PTPRG: variants seen among roughly 807,000 people sequenced by gnomAD.
PTPRG encodes protein tyrosine phosphatase receptor type G, also known as receptor-type tyrosine-protein phosphatase gamma.
PTPRG carries 102 observed loss-of-function variants against 165.3 expected under a neutral mutation model. That is an observed-to-expected ratio of 0.62 (90% CI 0.53 to 0.73). PTPRG has a LOEUF of 0.73. PTPRG is among the 30% of genes least tolerant of loss of function. The pLI is 0.00. For missense variants in PTPRG, 1,866 were observed against 1,861.4 expected, an observed-to-expected ratio of 1.00 and a Z score of -0.05; for synonymous variants, 675 against 669.5, an observed-to-expected ratio of 1.01 and a Z score of -0.13.
intron 9 of PTPRG, among the ~76,000 whole-genome samples, chr3:62,193,825 A>G (rs1410988110): frequency 6.6e-6 from 1 of 152,218 alleles, no homozygotes; most frequent in East Asian, 1.9e-4. Context: ...GGCTAAGCTC[A>G]CAGAGCTGCT....
intron 2 of PTPRG, among the ~76,000 whole-genome samples, chr3:61,906,313 G>A (rs1023237664): frequency 4.0e-5 from 6 of 151,706 alleles, no homozygotes; most frequent in African/African-American, 7.3e-5. Context: ...AAAATTAGCC[G>A]GGTGTGATGG....
At chr3:61,971,779 C>T (rs1191022010) in intron 2 of PTPRG, among the ~76,000 whole-genome samples, 6 of 152,154 alleles carry the variant, frequency 3.9e-5, no homozygotes, top group Admixed American at 6.5e-5. Flanking sequence ...TTGAATTGTA[C>T]AATTAAACTG....
intron 2 of PTPRG, among the ~76,000 whole-genome samples, chr3:61,781,993 C>T (rs145080623): frequency 4.0e-5 from 6 of 151,780 alleles, no homozygotes; most frequent in East Asian, 3.9e-4. Context: ...AACCTCCCAC[C>T]GATCTTTTGT....
At chr3:62,250,094 C>A (rs1701377289) in intron 15 of PTPRG, among the ~76,000 whole-genome samples, 1 of 152,088 alleles carries the variant, frequency 6.6e-6, no homozygotes, top group African/African-American at 2.4e-5. Context: ...CTTGTGTTAT[C>A]TTGTTTACTT....
intron 2 of PTPRG, among the ~76,000 whole-genome samples, chr3:61,805,960 T>C (rs1373666767): frequency 6.6e-6 from 1 of 152,184 alleles, no homozygotes; most frequent in African/African-American, 2.4e-5. Context: ...AAGCTCTCGA[T>C]CATATTCTCT....
At chr3:62,137,403 G>A (rs1703750031) in intron 6 of PTPRG, among the ~76,000 whole-genome samples, 1 of 152,136 alleles carries the variant, frequency 6.6e-6, no homozygotes, top group African/African-American at 2.4e-5. Context: ...GAGGCAAGAG[G>A]TCAGGTGAAT....
intron 2 of PTPRG, among the ~76,000 whole-genome samples, chr3:61,772,014 G>A (rs2034221042): frequency 7.3e-6 from 1 of 137,072 alleles, no homozygotes; most frequent in Admixed American, 8.2e-5. Flanking sequence ...GAGCCGAGAC[G>A]ATGCCTCTGC....
chr3:61,690,365 T>C (rs958555869), intron 1 of PTPRG, among the ~76,000 whole-genome samples: 5 of 152,208 alleles, frequency 3.3e-5, no homozygotes, highest in African/African-American at 9.6e-5. Context: ...GTGGCTCACT[T>C]GCTGCTTTTC....
chr3:61,859,615 T>C (rs2037204684), intron 2 of PTPRG, among the ~76,000 whole-genome samples: 1 of 151,798 alleles, frequency 6.6e-6, no homozygotes, highest in South Asian at 2.1e-4. Flanking sequence ...TCCATAGTTT[T>C]TTTTTTTTTG....
intron 2 of PTPRG, among the ~76,000 whole-genome samples, chr3:61,885,675 T>C (rs7428242): frequency 0.029 from 80 of 2,718 alleles, no homozygotes; most frequent in Non-Finnish European, 0.053. Flanking sequence ...TCCTCTCCTC[T>C]CCTCTCCTCT....
chr3:62,050,502 T>G (rs1356460471), intron 4 of PTPRG, among the ~76,000 whole-genome samples: 2 of 152,230 alleles, frequency 1.3e-5, no homozygotes, highest in East Asian at 3.8e-4. Context: ...AACATATCCC[T>G]GTTGTTAAGT....
intron 1 of PTPRG, among the ~76,000 whole-genome samples, chr3:61,638,591 G>GTTTTTTTTTTTTTTTTTTTT (rs34396141): frequency 1.7e-5 from 1 of 58,704 alleles, no homozygotes; most frequent in African/African-American, 6.5e-5. Context: ...TGCCTGGCTA[G>GTTTTTTTTTTTTTTTTTTTT]TTTTTTTTTT....
At chr3:61,968,121 G>T (rs980620634) in intron 2 of PTPRG, among the ~76,000 whole-genome samples, 13 of 152,106 alleles carry the variant, frequency 8.5e-5, no homozygotes, top group Non-Finnish European at 1.8e-4. Flanking sequence ...TAAGCTAAAT[G>T]GATGATGTCA....
intron 6 of PTPRG, among the ~76,000 whole-genome samples, chr3:62,139,413 C>T (rs776473178): frequency 2.0e-5 from 3 of 152,028 alleles, no homozygotes; most frequent in Non-Finnish European, 4.4e-5. Context: ...GAACTGAGAT[C>T]GCCCCACTGC....
At chr3:61,734,799 C>G (rs77968518) in intron 1 of PTPRG, among the ~76,000 whole-genome samples, 6,418 of 152,232 alleles carry the variant, frequency 0.042, 187 homozygotes, top group Non-Finnish European at 0.067. Flanking sequence ...GATTTATATT[C>G]AGAGTTGAAA....
chr3:61,990,303 G>A (rs1467124393), intron 3 of PTPRG, among the ~76,000 whole-genome samples: 1 of 152,124 alleles, frequency 6.6e-6, no homozygotes, highest in African/African-American at 2.4e-5. Context: ...GTTCTATCAG[G>A]TAACATTGTG....
chr3:61,914,161 A>T (rs759404931), intron 2 of PTPRG, among the ~76,000 whole-genome samples: 1 of 152,204 alleles, frequency 6.6e-6, no homozygotes, highest in Admixed American at 6.5e-5. Context: ...TTAGGTCAAC[A>T]TTAAAGATTC....
At chr3:61,683,888 C>T (rs1559556123) in intron 1 of PTPRG, among the ~76,000 whole-genome samples, 1 of 152,162 alleles carries the variant, frequency 6.6e-6, no homozygotes, top group Non-Finnish European at 1.5e-5. Flanking sequence ...CCTGTATGCA[C>T]AAAGTAGAAA....
At position 62,210,865 on chromosome 3, in the gene PTPRG, C is replaced by CTT. The variant is rs370985755; in HGVS notation, c.2155+6916_2155+6917insTT. 2.5e-3 allele frequency among the ~76,000 whole-genome samples: 386 copies of CTT among 152,122 alleles called. 2 individuals are homozygous for CTT. The highest frequency in any genetic ancestry group is 9.0e-3 in the African/African-American group (374 of 41,482). On this transcript the variant is annotated intron_variant, in intron 12 of 29. Coordinates refer to ENST00000474889, the MANE Select transcript of PTPRG (RefSeq NM_002841.4). The surrounding 1 kb of genome is among the most constrained non-coding windows in gnomAD (Gnocchi z 4.1). Reference sequence around the variant, plus strand: ...CAAATAATATACAAATATGTGTTAACTATTTATGTTATTGGTGAGGCTTCC... The same window carrying CTT: ...CAAATAATATACAAATATGTGTTAACTTTATTTATGTTATTGGTGAGGCTTCC...
Sources: gnomAD v4.1 joint callset for allele counts (sites outside exome capture counted in the v4.1 genomes callset) on GRCh38, gnomAD v4.1.1 for gene constraint, Gnocchi (gnomAD v3.1) non-coding constraint, MANE v1.5 for transcripts, NCBI Gene and HGNC (gene_info 2026-07-23, HGNC 2026-07-21) for gene names.